SLC2A13: variants seen among roughly 807,000 people sequenced by gnomAD.
The protein encoded by SLC2A13 is solute carrier family 2 member 13, also known as proton myo-inositol cotransporter.
SLC2A13 carries 32 observed loss-of-function variants against 64.4 expected under a neutral mutation model. The observed-to-expected ratio is 0.50, with a 90% confidence interval of 0.37 to 0.67. The LOEUF (loss-of-function observed/expected upper bound fraction) is 0.67, where lower values mean the gene tolerates loss of function less well. SLC2A13 is among the 30% of genes least tolerant of loss of function. The pLI is 0.00. For synonymous variants in SLC2A13, 338 were observed against 327.1 expected (o/e 1.03, Z -0.36); for missense variants, 743 against 829.2 (o/e 0.90, Z 1.28).
chr12:39,986,942 G>C (rs561458449), intron 3 of SLC2A13, among the ~76,000 whole-genome samples: 6 of 152,244 alleles, frequency 3.9e-5, no homozygotes, highest in African/African-American at 1.4e-4. Flanking sequence ...ATTTCCTAGA[G>C]ACACAAGGAT....
intron 3 of SLC2A13, among the ~76,000 whole-genome samples, chr12:40,013,288 T>C (rs1432676840): frequency 6.6e-6 from 1 of 152,150 alleles, no homozygotes; most frequent in African/African-American, 2.4e-5. Context: ...GAGCAGGGGA[T>C]CTTGTTACCA....
intron 7 of SLC2A13, among the ~76,000 whole-genome samples, chr12:39,799,079 T>C (rs890518298): frequency 6.7e-6 from 1 of 149,058 alleles, no homozygotes; most frequent in East Asian, 1.9e-4. Flanking sequence ...TTTTTTTTTT[T>C]CCTTTTTTTT....
At chr12:40,029,624 C>T (rs1182635670) in intron 2 of SLC2A13, among the ~76,000 whole-genome samples, 1 of 152,128 alleles carries the variant, frequency 6.6e-6, no homozygotes, top group Non-Finnish European at 1.5e-5. Flanking sequence ...TGCTATTTTC[C>T]AAGCAATTTC....
chr12:39,989,428 G>T (rs1947092474), intron 3 of SLC2A13, among the ~76,000 whole-genome samples: 1 of 151,934 alleles, frequency 6.6e-6, no homozygotes, highest in Non-Finnish European at 1.5e-5. Context: ...GTGTTCCTTG[G>T]TCACCCCTCC....
intron 3 of SLC2A13, among the ~76,000 whole-genome samples, chr12:39,992,808 C>T (rs1947159372): frequency 6.6e-6 from 1 of 151,924 alleles, no homozygotes; most frequent in South Asian, 2.1e-4. Flanking sequence ...AGCACAAATT[C>T]ATATTGTAGC....
intron 1 of SLC2A13, among the ~76,000 whole-genome samples, chr12:40,062,078 TG>T (rs1236862364): frequency 1.3e-5 from 2 of 152,042 alleles, no homozygotes; most frequent in Admixed American, 1.3e-4. Flanking sequence ...TTTTAATAAA[TG>T]GTGGTGAGAC....
At position 39,926,832 on chromosome 12, in the gene SLC2A13, C is replaced by A. The variant is rs560961938; in HGVS notation, c.1034+24425G>T. Among the ~76,000 whole-genome samples the A allele has an allele frequency of 1.6e-4, 25 of 152,256 alleles. No homozygotes were observed. The East Asian group carries it at 2.9e-3, about 18-fold the overall frequency. On this transcript the variant is annotated intron_variant, in intron 4 of 9. Coordinates refer to ENST00000280871, the MANE Select transcript of SLC2A13 (RefSeq NM_052885.4). ...GTCTCCCTTTGTTGCCCAGGCTGGT[C>A]TTGAACTCCTGGGCTCAAGGGATTC...
At chr12:39,960,744 C>T (rs1270600177) in intron 3 of SLC2A13, among the ~76,000 whole-genome samples, 36 of 108,820 alleles carry the variant, frequency 3.3e-4, no homozygotes, top group South Asian at 6.4e-4. Flanking sequence ...CTGTCTCATT[C>T]TTTTTTTTTT....
intron 1 of SLC2A13, among the ~76,000 whole-genome samples, chr12:40,102,271 G>A (rs1939176459): frequency 6.6e-6 from 1 of 152,166 alleles, no homozygotes; most frequent in Non-Finnish European, 1.5e-5. Flanking sequence ...ATCCATAATG[G>A]AAGCTTAATT....
Position 39,951,202 on chromosome 12 carries a change from C to T in SLC2A13, c.1034+55G>A, listed in dbSNP as rs546032584. ...ACATGAAATACTTTTCACTATTTCACATAAAATAATCCTTTCACAATCTTT... is the reference window on the plus strand; with the variant it reads ...ACATGAAATACTTTTCACTATTTCATATAAAATAATCCTTTCACAATCTTT... On this transcript the variant is annotated intron_variant, in intron 4 of 9. Transcript: ENST00000280871. The T allele has an allele frequency of 1.5e-4, 226 of 1,461,660 alleles. 3 individuals are homozygous for T. The South Asian group carries it at 2.6e-3, about 17-fold the overall frequency. 90.5% of individuals were successfully genotyped at this position (1,461,660 alleles called of 1,614,324 possible). A position where few individuals can be genotyped will look rare whatever the true frequency, so the allele number is the denominator to read the frequency against.
intron 4 of SLC2A13, among the ~76,000 whole-genome samples, chr12:39,878,546 G>A (rs959293171): frequency 6.6e-6 from 1 of 152,210 alleles, no homozygotes; most frequent in East Asian, 1.9e-4. Context: ...GCTTGAGCTT[G>A]AGATTGATTA....
intron 3 of SLC2A13, among the ~76,000 whole-genome samples, chr12:40,009,677 C>T (rs1430059799): frequency 6.6e-6 from 1 of 152,144 alleles, no homozygotes; most frequent in Non-Finnish European, 1.5e-5. Flanking sequence ...AAGCAATCCT[C>T]GAGCTTTGGC....
intron 3 of SLC2A13, among the ~76,000 whole-genome samples, chr12:39,959,823 TTTTAC>T (rs745341458): frequency 6.6e-4 from 101 of 152,260 alleles, no homozygotes; most frequent in Non-Finnish European, 1.1e-3. Context: ...AAAAATTTTA[TTTTAC>T]TTTAAGTTCC....
chr12:40,074,346 T>G (rs1938084015), intron 1 of SLC2A13, among the ~76,000 whole-genome samples: 2 of 151,902 alleles, frequency 1.3e-5, no homozygotes, highest in African/African-American at 4.8e-5. Context: ...TTAAAACTTT[T>G]TGTAGAGATG....
intron 1 of SLC2A13, among the ~76,000 whole-genome samples, chr12:40,050,580 T>C (rs1302446060): frequency 1.3e-5 from 2 of 152,202 alleles, no homozygotes; most frequent in African/African-American, 2.4e-5. Context: ...TCAGCAGATA[T>C]TTTATAGGGA....
At chr12:40,030,228 A>G (rs544118488) in intron 2 of SLC2A13, among the ~76,000 whole-genome samples, 1 of 152,338 alleles carries the variant, frequency 6.6e-6, no homozygotes, top group South Asian at 2.1e-4. Flanking sequence ...ATTATTCTAG[A>G]TATAACTGGA....
intron 1 of SLC2A13, among the ~76,000 whole-genome samples, chr12:40,049,510 G>A (rs1357218606): frequency 6.6e-6 from 1 of 151,964 alleles, no homozygotes; most frequent in South Asian, 2.1e-4. Flanking sequence ...CAATAGTTGT[G>A]GTTTTCTACA....
intron 2 of SLC2A13, among the ~76,000 whole-genome samples, chr12:40,040,197 T>C (rs148225990): frequency 6.6e-6 from 1 of 152,250 alleles, no homozygotes; most frequent in South Asian, 2.1e-4. Context: ...TTTGTAAGTA[T>C]GTTCACTGCT....
chr12:40,052,091 A>T (rs902748133), intron 1 of SLC2A13, among the ~76,000 whole-genome samples: 1 of 152,166 alleles, frequency 6.6e-6, no homozygotes, highest in Non-Finnish European at 1.5e-5. Flanking sequence ...GTCAGGAAAA[A>T]GCAACTAGGA....
Sources: allele counts gnomAD v4.1 joint callset (sites outside exome capture counted in the v4.1 genomes callset), GRCh38; gene constraint gnomAD v4.1.1; transcripts MANE v1.5; gene names NCBI Gene and HGNC (gene_info 2026-07-23, HGNC 2026-07-21).